Variants in UIMC1 observed in about 807,000 individuals in gnomAD.
The protein encoded by UIMC1 is ubiquitin interaction motif containing 1.
UIMC1 carries 42 observed loss-of-function variants against 84.9 expected under a neutral mutation model. The ratio of observed to expected loss-of-function variants is 0.49; its 90% confidence interval spans 0.39 to 0.64. UIMC1 has a LOEUF of 0.64. UIMC1 is among the 30% of genes least tolerant of loss of function. UIMC1 has a pLI of 0.00. For missense variants in UIMC1, 825 were observed against 847.6 expected (o/e 0.97, Z 0.33); for synonymous variants, 281 against 293.0 (o/e 0.96, Z 0.42).
chr5:176,964,455 T>C (rs916028228), intron 6 of UIMC1, among the ~76,000 whole-genome samples: 2 of 152,234 alleles, frequency 1.3e-5, no homozygotes, highest in African/African-American at 4.8e-5. Context: ...ATCATTTTTA[T>C]GGCTCATGAC....
intron 10 of UIMC1, among the ~76,000 whole-genome samples, chr5:176,911,648 C>G (rs1581344453): frequency 6.6e-6 from 1 of 152,184 alleles, no homozygotes; most frequent in Admixed American, 6.5e-5. Context: ...AAGATCTACT[C>G]CACACCAAGA....
intron 1 of UIMC1, among the ~76,000 whole-genome samples, chr5:176,987,333 T>C (rs879871664): frequency 2.6e-5 from 4 of 151,618 alleles, no homozygotes; most frequent in Non-Finnish European, 4.4e-5. Flanking sequence ...ACATAAACAA[T>C]CAAAACTGAA....
chr5:176,907,212 C>G (rs754043876), intron 12 of UIMC1, 35 bp from the exon 13 acceptor site: 11 of 1,589,756 alleles, frequency 6.9e-6, no homozygotes, highest in Non-Finnish European at 9.5e-6. Context: ...AAGGTTACTT[C>G]ATGTCAGAGT....
intron 1 of UIMC1, among the ~76,000 whole-genome samples, chr5:176,985,357 G>A (rs1041429015): frequency 6.6e-6 from 1 of 151,532 alleles, no homozygotes; most frequent in South Asian, 2.1e-4. Flanking sequence ...TCAGGAGACT[G>A]AGGCAGGACA....
At chr5:176,941,001 T>G (rs1764352280) in intron 10 of UIMC1, among the ~76,000 whole-genome samples, 1 of 152,194 alleles carries the variant, frequency 6.6e-6, no homozygotes, top group African/African-American at 2.4e-5. Context: ...AGAGCCTACC[T>G]TACTGTCACC....
chr5:176,942,471 G>A (rs1561789721), intron 10 of UIMC1, among the ~76,000 whole-genome samples: 1 of 151,536 alleles, frequency 6.6e-6, no homozygotes, highest in African/African-American at 2.4e-5. Context: ...GGCTGGGCGT[G>A]GTGGCTTACA....
At chr5:176,971,648 C>T (rs1002917026) in intron 3 of UIMC1, among the ~76,000 whole-genome samples, 1 of 152,184 alleles carries the variant, frequency 6.6e-6, no homozygotes, top group African/African-American at 2.4e-5. Flanking sequence ...GTGGCTCACG[C>T]CTGTAATCCC....
chr5:176,969,434 AG>A lies in UIMC1; in HGVS notation c.464-144del, dbSNP rs1768860857. 3.4e-5 allele frequency: 46 copies of A among 1,359,028 alleles called. No individual in the cohort carries two copies. In the South Asian group the frequency reaches 6.0e-4, roughly 18 times the overall value. 84.2% of individuals were successfully genotyped at this position (1,359,028 alleles called of 1,614,324 possible). On this transcript the variant is annotated intron_variant, in intron 5 of 14. Coordinates refer to ENST00000511320, the MANE Select transcript of UIMC1 (RefSeq NM_001199298.2). ...TAACCAAATGTTGGTTTTTCCTTGG[AG>A]ATAAAAGTATGCCGGATATTCTTAT... is the stretch of plus-strand genomic sequence containing the variant.
chr5:176,915,793 CAAAAAAA>C lies in UIMC1; in HGVS notation c.1598-4411_1598-4405del, dbSNP rs58297107. Among the ~76,000 whole-genome samples, 19 of 42,658 alleles carry C rather than the reference CAAAAAAA, an allele frequency of 4.5e-4. No homozygotes were observed. In the East Asian group the frequency reaches 5.4e-3, roughly 12 times the overall value. The allele number at this position is 42,658 out of a possible 152,430, so 28.0% of individuals were successfully genotyped here. On this transcript the variant is annotated intron_variant, in intron 10 of 14. Coordinates refer to ENST00000511320, the MANE Select transcript of UIMC1 (RefSeq NM_001199298.2). ...AAGTAACCTGATCAAGGTCACAAAG[CAAAAAAA>C]AAAAAAAAAAAAAAGCAAAAAGCAC...
At chr5:176,983,122 C>T (rs886438792) in intron 1 of UIMC1, among the ~76,000 whole-genome samples, 2 of 151,950 alleles carry the variant, frequency 1.3e-5, no homozygotes, top group African/African-American at 4.8e-5. Context: ...GAGTGAGCCA[C>T]CATGCCCAGC....
At chr5:176,979,278 G>C (rs1426161842) in intron 2 of UIMC1, among the ~76,000 whole-genome samples, 1 of 152,168 alleles carries the variant, frequency 6.6e-6, no homozygotes, top group Non-Finnish European at 1.5e-5. Context: ...TGGTAAAACT[G>C]TAAGGAGAAA....
chr5:176,984,159 G>A (rs1771554062), intron 1 of UIMC1, among the ~76,000 whole-genome samples: 1 of 135,038 alleles, frequency 7.4e-6, no homozygotes, highest in African/African-American at 2.8e-5. Context: ...CCCTGTCTGG[G>A]AAGTGAGGAG....
chr5:176,975,319 TAATC>T, intron 3 of UIMC1, 73 bp downstream of exon 3: 1 of 1,422,568 alleles, frequency 7.0e-7, no homozygotes, highest in East Asian at 2.3e-5. Flanking sequence ...GAATGCAACA[TAATC>T]AACTAGTCCA....
intron 2 of UIMC1, among the ~76,000 whole-genome samples, chr5:176,977,023 G>A (rs2149494267): frequency 6.6e-6 from 1 of 152,236 alleles, no homozygotes; most frequent in East Asian, 1.9e-4. Context: ...AGGAGGTCGA[G>A]ACCAGCCTGG....
intron 7 of UIMC1, among the ~76,000 whole-genome samples, chr5:176,956,976 T>A (rs1766688806): frequency 6.6e-6 from 1 of 152,166 alleles, no homozygotes; most frequent in African/African-American, 2.4e-5. Context: ...AAAACAATTT[T>A]CTGACATTTA....
At chr5:176,989,532 T>C (rs1162813992) in intron 1 of UIMC1, among the ~76,000 whole-genome samples, 6 of 152,012 alleles carry the variant, frequency 3.9e-5, no homozygotes, top group Admixed American at 3.9e-4. Context: ...TGGTGGCACA[T>C]GCCTGCAGAC....
At chr5:176,945,227 C>A (rs569376946) in intron 9 of UIMC1, among the ~76,000 whole-genome samples, 1 of 152,160 alleles carries the variant, frequency 6.6e-6, no homozygotes, top group African/African-American at 2.4e-5. Context: ...GTTCTAGGTG[C>A]TATGTTTTCC....
At chr5:176,906,130 T>C in intron 13 of UIMC1, 83 bp from the exon 14 acceptor site, 1 of 1,326,930 alleles carries the variant, frequency 7.5e-7, no homozygotes, top group Non-Finnish European at 1.1e-6. Context: ...GCTTCCGTGC[T>C]CTAGGCACTG....
chr5:176,911,160 G>C lies in UIMC1; in HGVS notation c.1676+151C>G, dbSNP rs1228064003. 12 of 271,036 alleles carry C rather than the reference G, an allele frequency of 4.4e-5. 2 individuals carry two copies. Among genetic ancestry groups the C allele is most frequent in the Middle Eastern group, 5.5e-4 (1 of 1,826 alleles). The allele number at this position is 271,036 out of a possible 1,614,324, so 16.8% of individuals were successfully genotyped here. Reference sequence around the variant, plus strand: ...GAAAAGAAAAGAAAAGAAAAGAAAAGAAAAGAAAAGAAAAGAAAATTCAGG... The same window carrying C: ...GAAAAGAAAAGAAAAGAAAAGAAAACAAAAGAAAAGAAAAGAAAATTCAGG... On this transcript the variant is annotated intron_variant, in intron 11 of 14. Coordinates refer to ENST00000511320, the MANE Select transcript of UIMC1 (RefSeq NM_001199298.2).
Sources: allele counts gnomAD v4.1 joint callset (sites outside exome capture counted in the v4.1 genomes callset), GRCh38; gene constraint gnomAD v4.1.1; transcripts MANE v1.5; gene names NCBI Gene and HGNC (gene_info 2026-07-23, HGNC 2026-07-21).